Variants in ARID2 observed in about 807,000 individuals in gnomAD.
ARID2 encodes the protein AT-rich interactive domain-containing protein 2.
In ARID2, 32 loss-of-function variants were observed where a neutral mutation model predicts 184.6. The ratio of observed to expected loss-of-function variants is 0.17; its 90% confidence interval spans 0.13 to 0.23. The LOEUF is 0.23. Ranked by LOEUF, ARID2 falls within the 10% of genes least tolerant of loss-of-function variation. ARID2 has a pLI of 1.00. For missense variants in ARID2, 1,696 were observed against 2,197.6 expected, an observed-to-expected ratio of 0.77 and a Z score of 4.56; for synonymous variants, 836 against 772.6, an observed-to-expected ratio of 1.08 and a Z score of -1.36.
chr12:45,755,062 C>A (rs1217458315), intron 3 of ARID2, among the ~76,000 whole-genome samples: 2 of 152,142 alleles, frequency 1.3e-5, no homozygotes, highest in Admixed American at 1.3e-4. Context: ...GTATTTTAAA[C>A]ATGTAAATGA....
At chr12:45,768,349 A>G (rs1354061017) in intron 3 of ARID2, among the ~76,000 whole-genome samples, 1 of 152,090 alleles carries the variant, frequency 6.6e-6, no homozygotes, top group African/African-American at 2.4e-5. Flanking sequence ...ACAGTCACCC[A>G]TGCCCCAGCT....
intron 6 of ARID2, 28 bp from the exon 7 acceptor site, chr12:45,836,561 T>A: frequency 1.0e-5 from 16 of 1,584,296 alleles, no homozygotes; most frequent in Non-Finnish European, 1.4e-5. Flanking sequence ...TTTCAAATCA[T>A]GGAGAATTAA....
chr12:45,789,090 A>C (rs1450728583), intron 3 of ARID2: 1 of 152,202 alleles, frequency 6.6e-6, no homozygotes, highest in Admixed American at 6.5e-5. Context: ...ATAGTGGATA[A>C]GTTTATGAGT....
rs111254158 is a variant in ARID2 at position 45,843,850 on chromosome 12, C to G, written c.1499-3006C>G. On this transcript the variant is annotated intron_variant, in intron 11 of 20. Coordinates refer to ENST00000334344, the MANE Select transcript of ARID2 (RefSeq NM_152641.4). ...AGATAGTTTTTATTAACAAAAGTCTCTTGCTTAATCAGGCTCTTTTTGTTA... is the reference window on the plus strand; with the variant it reads ...AGATAGTTTTTATTAACAAAAGTCTGTTGCTTAATCAGGCTCTTTTTGTTA... Among the ~76,000 whole-genome samples the G allele has an allele frequency of 7.9e-3, 1,196 of 152,224 alleles. 12 individuals carry two copies. The highest frequency in any genetic ancestry group is 0.027 in the African/African-American group (1,135 of 41,526).
chr12:45,811,394 T>G (rs369360302), intron 3 of ARID2, 24 bp from the exon 4 acceptor site: 2 of 1,601,812 alleles, frequency 1.2e-6, no homozygotes, highest in South Asian at 1.1e-5. Context: ...TTTAAATGTT[T>G]GCTGTGCTGT....
At chr12:45,837,275 C>T in intron 8 of ARID2, 46 bp from the exon 9 acceptor site, 1 of 1,455,682 alleles carries the variant, frequency 6.9e-7, no homozygotes, top group Non-Finnish European at 9.4e-7. Context: ...AAGTATACAA[C>T]TCTGGAAGAA....
At chr12:45,730,203 C>G (rs1163116684) in intron 2 of ARID2, 66 bp downstream of exon 2, 10 of 1,527,572 alleles carry the variant, frequency 6.5e-6, no homozygotes, top group Non-Finnish European at 7.2e-6. Flanking sequence ...CCTTTGACCC[C>G]GGAGTGGGCG....
intron 15 of ARID2, among the ~76,000 whole-genome samples, chr12:45,855,091 C>G (rs1204262942): frequency 6.6e-6 from 1 of 152,040 alleles, no homozygotes; most frequent in African/African-American, 2.4e-5. Context: ...ATTATTTGAG[C>G]TGTTGTGTTA....
chr12:45,759,542 T>A (rs1941635128), intron 3 of ARID2, among the ~76,000 whole-genome samples: 1 of 152,188 alleles, frequency 6.6e-6, no homozygotes, highest in Non-Finnish European at 1.5e-5. Flanking sequence ...TTTAAAATTG[T>A]AAAGGTAATT....
At chr12:45,854,453 T>A (rs1487225419) in intron 15 of ARID2, among the ~76,000 whole-genome samples, 1 of 152,182 alleles carries the variant, frequency 6.6e-6, no homozygotes, top group Non-Finnish European at 1.5e-5. Context: ...TCCTGAGTTA[T>A]TGATGGAAAA....
chr12:45,791,304 C>T (rs1033627489), intron 3 of ARID2, among the ~76,000 whole-genome samples: 1 of 151,998 alleles, frequency 6.6e-6, no homozygotes, highest in Non-Finnish European at 1.5e-5. Context: ...TGAATTTTAT[C>T]AAATACTTTT....
rs548997721 is a variant in ARID2, at chr12:45,763,199, G to A, written c.284+31885G>A. ...AGTCATAAAATGTGAGGCAAGGTGCGGTGGCTCACGCCTGTAATCCCAGCA... is the reference window on the plus strand; with the variant it reads ...AGTCATAAAATGTGAGGCAAGGTGCAGTGGCTCACGCCTGTAATCCCAGCA... On this transcript the variant is annotated intron_variant, in intron 3 of 20. Transcript: ENST00000334344. Among the ~76,000 whole-genome samples the A allele has an allele frequency of 3.9e-5, 6 of 152,286 alleles. No individual in the cohort carries two copies. The South Asian group carries it at 6.2e-4, about 16-fold the overall frequency.
At chr12:45,745,529 A>G (rs1202016923) in intron 3 of ARID2, among the ~76,000 whole-genome samples, 3 of 152,178 alleles carry the variant, frequency 2.0e-5, no homozygotes, top group African/African-American at 4.8e-5. Context: ...TTTCTTTGCT[A>G]TATAAAACGG....
At chr12:45,740,948 T>G (rs1941241916) in intron 3 of ARID2, among the ~76,000 whole-genome samples, 1 of 152,228 alleles carries the variant, frequency 6.6e-6, no homozygotes, top group South Asian at 2.1e-4. Context: ...TCCTCCTGAT[T>G]TCTCCACTGT....
intron 3 of ARID2, among the ~76,000 whole-genome samples, chr12:45,774,891 G>A (rs2138029571): frequency 6.6e-6 from 1 of 152,292 alleles, no homozygotes; most frequent in Non-Finnish European, 1.5e-5. Flanking sequence ...AGCTACGGCA[G>A]TAGTTCTCCA....
intron 15 of ARID2, among the ~76,000 whole-genome samples, chr12:45,860,591 G>A (rs1397394094): frequency 2.6e-5 from 4 of 151,220 alleles, no homozygotes; most frequent in South Asian, 2.1e-4. Context: ...TATTACCTTC[G>A]TGGTTTTATA....
chr12:45,740,027 G>C (rs931925340), intron 3 of ARID2, among the ~76,000 whole-genome samples: 5 of 152,176 alleles, frequency 3.3e-5, no homozygotes, highest in African/African-American at 1.2e-4. Context: ...ACAGTAGTTA[G>C]TGGCTTAGAG....
chr12:45,850,140 G>C lies in ARID2; in HGVS notation c.2017G>C (p.Gly673Arg), dbSNP rs1943518129. The C allele has an allele frequency of 6.2e-7, 1 of 1,614,028 alleles. No homozygotes were observed. The highest frequency in any genetic ancestry group is 1.1e-5 in the South Asian group (1 of 91,072). ...TATQMSFPVQ[G>R]VHTVAQTVSR... Reference sequence around the variant, plus strand: ...AACACAAATGTCTTTTCCTGTACAAGGTGTTCATACTGTGGCACAAACTGT... The same window carrying C: ...AACACAAATGTCTTTTCCTGTACAACGTGTTCATACTGTGGCACAAACTGT... Residue 673 changes from glycine (G) to arginine (R), a missense_variant, in exon 15 of 21, where the codon GGT (glycine) becomes CGT (arginine). By Grantham distance (125) the Gly-to-Arg change is moderately radical. Coordinates refer to ENST00000334344, the MANE Select transcript of ARID2 (RefSeq NM_152641.4).
intron 3 of ARID2, among the ~76,000 whole-genome samples, chr12:45,772,629 CAAAA>C (rs955424793): frequency 1.8e-4 from 27 of 151,260 alleles, no homozygotes; most frequent in African/African-American, 6.1e-4. Context: ...GATTTTAAAA[CAAAA>C]AAAAGTTACT....
Sources: gnomAD v4.1 joint callset for allele counts (sites outside exome capture counted in the v4.1 genomes callset) on GRCh38, gnomAD v4.1.1 for gene constraint, MANE v1.5 for transcripts, NCBI Gene and HGNC (gene_info 2026-07-23, HGNC 2026-07-21) for gene names.